SCFD2: variants seen among roughly 807,000 people sequenced by gnomAD.
SCFD2 encodes the protein sec1 family domain-containing protein 2.
SCFD2 carries 54 observed loss-of-function variants against 58.9 expected under a neutral mutation model. The ratio of observed to expected loss-of-function variants is 0.92; its 90% CI spans 0.74 to 1.15. The LOEUF (loss-of-function observed/expected upper bound fraction) is 1.15, where lower values mean the gene tolerates loss of function less well. Among genes scored for constraint, SCFD2 ranks in the 50% most tolerant of loss-of-function variants. The probability of loss-of-function intolerance (pLI) is 0.00; values close to 1 mark genes in which losing one functional copy is unlikely to be tolerated. For synonymous variants in SCFD2, 321 were observed against 335.9 expected (o/e 0.96, Z 0.49); for missense variants, 805 against 836.6 (o/e 0.96, Z 0.47).
chr4:52,893,043 G>C (rs1430782774), intron 7 of SCFD2, among the ~76,000 whole-genome samples: 1 of 152,106 alleles, frequency 6.6e-6, no homozygotes, highest in African/African-American at 2.4e-5. Context: ...ATAAACAATG[G>C]TTTCAAATAG....
At chr4:53,158,993 TG>T (rs1481687565) in intron 4 of SCFD2, among the ~76,000 whole-genome samples, 1 of 152,202 alleles carries the variant, frequency 6.6e-6, no homozygotes, top group African/African-American at 2.4e-5. Context: ...TCTGTCTGTC[TG>T]CCATGGCTCT....
chr4:53,296,048 A>G (rs1732018196), intron 3 of SCFD2, among the ~76,000 whole-genome samples: 1 of 152,180 alleles, frequency 6.6e-6, no homozygotes, highest in African/African-American at 2.4e-5. Context: ...CCAGTATTTT[A>G]TTGACGATTT....
intron 4 of SCFD2, among the ~76,000 whole-genome samples, chr4:53,177,744 C>T (rs1009514302): frequency 1.3e-5 from 2 of 152,194 alleles, no homozygotes; most frequent in African/African-American, 4.8e-5. Flanking sequence ...AGGGAATTCC[C>T]TTTCCTAGTC....
At chr4:53,019,480 C>T (rs1722295339) in intron 5 of SCFD2, among the ~76,000 whole-genome samples, 1 of 151,986 alleles carries the variant, frequency 6.6e-6, no homozygotes, top group Admixed American at 6.6e-5. Flanking sequence ...ACTTTTCTAC[C>T]ATAAATAGAT....
Position 52,885,922 on chromosome 4 carries a change from C to T in SCFD2, c.1843-56G>A, listed in dbSNP as rs376926747. ...GGATGGCAGTGATGCAGGCACAATG[C>T]AGCTGGGTACCATCTTCATTGTCCC... On this transcript the variant is annotated intron_variant, in intron 7 of 8. Coordinates refer to ENST00000401642, the MANE Select transcript of SCFD2 (RefSeq NM_152540.4). 8.7e-6 allele frequency: 14 copies of T among 1,602,390 alleles called. No individual in the cohort carries two copies. In the African/African-American group the frequency reaches 1.7e-4, roughly 20 times the overall value.
intron 2 of SCFD2, among the ~76,000 whole-genome samples, chr4:53,336,079 A>G (rs1390495403): frequency 1.3e-5 from 2 of 152,194 alleles, no homozygotes; most frequent in African/African-American, 4.8e-5. Context: ...AGATTGTATA[A>G]AGCCCTTAGA....
At chr4:53,234,556 C>T (rs544650154) in intron 4 of SCFD2, among the ~76,000 whole-genome samples, 37 of 152,276 alleles carry the variant, frequency 2.4e-4, no homozygotes, top group African/African-American at 8.7e-4. Context: ...CAGCTCAGAT[C>T]TCTTTAATTC....
chr4:53,253,563 A>C (rs962945382), intron 4 of SCFD2, among the ~76,000 whole-genome samples: 1 of 152,160 alleles, frequency 6.6e-6, no homozygotes, highest in Admixed American at 6.5e-5. Context: ...GTAGCCATAA[A>C]AAATGATGAG....
chr4:53,071,926 C>T (rs1723827288), intron 5 of SCFD2, among the ~76,000 whole-genome samples: 1 of 152,014 alleles, frequency 6.6e-6, no homozygotes, highest in South Asian at 2.1e-4. Flanking sequence ...ATAATTTGCA[C>T]ATAATTATTT....
chr4:52,974,461 A>C (rs1721197267), intron 5 of SCFD2, among the ~76,000 whole-genome samples: 3 of 152,214 alleles, frequency 2.0e-5, no homozygotes. Context: ...CCAACTTACA[A>C]GGGACATGAA....
chr4:52,916,065 T>C (rs941099790), intron 6 of SCFD2, among the ~76,000 whole-genome samples: 3 of 152,210 alleles, frequency 2.0e-5, no homozygotes, highest in African/African-American at 7.2e-5. Flanking sequence ...TCAGCCCTGC[T>C]CTTCAAGATG....
rs546717846 is a variant in SCFD2 at position 53,096,239 on chromosome 4, G to A, written c.1561+49094C>T. Among the ~76,000 whole-genome samples, 5 of 152,310 alleles carry A rather than the reference G, an allele frequency of 3.3e-5. No individual in the cohort carries two copies. The South Asian group carries it at 1.0e-3, about 32-fold the overall frequency. ...ATTCTTTGGGTATATACCCAGTAAT[G>A]GGATGGCTGGGTCAAATGGTATTTC... is the stretch of plus-strand genomic sequence containing the variant. On this transcript the variant is annotated intron_variant, in intron 5 of 8. Transcript: ENST00000401642.
chr4:53,072,920 A>T (rs936861558), intron 5 of SCFD2, among the ~76,000 whole-genome samples: 3 of 152,118 alleles, frequency 2.0e-5, no homozygotes, highest in Non-Finnish European at 2.9e-5. Context: ...ATGTCGCTTC[A>T]TTAGTCCCTG....
At chr4:53,147,878 CCATGGAT>C (rs1367141604) in intron 4 of SCFD2, among the ~76,000 whole-genome samples, 3 of 152,178 alleles carry the variant, frequency 2.0e-5, no homozygotes, top group Non-Finnish European at 2.9e-5. Context: ...CACATGCAGC[CCATGGAT>C]CATGGGTTGG....
chr4:53,301,888 AC>A (rs1732315866), intron 3 of SCFD2, among the ~76,000 whole-genome samples: 1 of 152,224 alleles, frequency 6.6e-6, no homozygotes. Context: ...AAGGCCTTTG[AC>A]AAAATTCAAC....
chr4:53,084,437 T>G (rs1724242257), intron 5 of SCFD2, among the ~76,000 whole-genome samples: 1 of 152,134 alleles, frequency 6.6e-6, no homozygotes, highest in African/African-American at 2.4e-5. Flanking sequence ...GTGCACTGAT[T>G]TCATACTGTT....
At chr4:53,341,283 C>A (rs1401148959) in intron 2 of SCFD2, among the ~76,000 whole-genome samples, 2 of 152,150 alleles carry the variant, frequency 1.3e-5, no homozygotes, top group East Asian at 3.8e-4. Flanking sequence ...GAGCTGAAAA[C>A]CATGGCACAA....
At chr4:53,339,757 G>A (rs1290502320) in intron 2 of SCFD2, among the ~76,000 whole-genome samples, 16 of 151,596 alleles carry the variant, frequency 1.1e-4, no homozygotes, top group Non-Finnish European at 1.3e-4. Context: ...GCAACAGAGT[G>A]AGACTCTGTC....
In SCFD2 at chr4:53,271,038, T is replaced by G. The variant is rs547145725; in HGVS notation, c.1311+2788A>C. ...AAGCCATCATTAAGGATTCAGAAAGTTTTTTTTTCTTTTTGCCTTGATGGA... is the reference window on the plus strand; with the variant it reads ...AAGCCATCATTAAGGATTCAGAAAGGTTTTTTTTCTTTTTGCCTTGATGGA... On this transcript the variant is annotated intron_variant, in intron 4 of 8. Transcript: ENST00000401642. Among the ~76,000 whole-genome samples the G allele has an allele frequency of 2.7e-5, 4 of 149,946 alleles. No homozygotes were observed. The South Asian group carries it at 6.3e-4, about 23-fold the overall frequency.
Sources: allele counts gnomAD v4.1 joint callset (sites outside exome capture counted in the v4.1 genomes callset), GRCh38; gene constraint gnomAD v4.1.1; transcripts MANE v1.5; gene names NCBI Gene and HGNC (gene_info 2026-07-23, HGNC 2026-07-21).